The following DPY19L3 variants were observed in gnomAD, a reference collection of about 807,000 sequenced individuals.
DPY19L3 encodes dpy-19 like C-mannosyltransferase 3, also known as protein C-mannosyl-transferase DPY19L3.
A neutral mutation model predicts 92.3 loss-of-function variants in DPY19L3; 51 were observed. That is an observed-to-expected ratio of 0.55 (90% CI 0.44 to 0.70). DPY19L3 has a LOEUF of 0.70. Ranked by LOEUF, DPY19L3 falls within the 30% of genes least tolerant of loss-of-function variation. The pLI is 0.00. For synonymous variants in DPY19L3, 309 were observed against 315.2 expected (o/e 0.98, Z 0.21); for missense variants, 706 against 855.9 (o/e 0.82, Z 2.18).
intron 9 of DPY19L3, among the ~76,000 whole-genome samples, 174 bp from the exon 10 acceptor site, chr19:32,454,765 A>C (rs1283941388): frequency 6.6e-6 from 1 of 152,198 alleles, no homozygotes; most frequent in Non-Finnish European, 1.5e-5. Context: ...CTAGAAAATC[A>C]CAAATATTAA....
At chr19:32,445,093 C>A (rs200436816) in intron 8 of DPY19L3, among the ~76,000 whole-genome samples, 2,856 of 131,944 alleles carry the variant, frequency 0.022, 124 homozygotes, top group South Asian at 0.17. Context: ...AAAAAAAAAA[C>A]AAAAAACAAT....
At chr19:32,452,496 A>G (rs936695339) in intron 8 of DPY19L3, among the ~76,000 whole-genome samples, 3 of 152,236 alleles carry the variant, frequency 2.0e-5, no homozygotes, top group African/African-American at 7.2e-5. Flanking sequence ...GTGGTCATAA[A>G]CAGTAACTGA....
intron 8 of DPY19L3, among the ~76,000 whole-genome samples, chr19:32,445,725 G>GC (rs1225768695): frequency 2.6e-5 from 4 of 152,138 alleles, no homozygotes; most frequent in Non-Finnish European, 5.9e-5. Flanking sequence ...TTGAGGCTGG[G>GC]CGTCGTGGCT....
At chr19:32,409,431 G>A (rs919956595) in intron 2 of DPY19L3, among the ~76,000 whole-genome samples, 1 of 152,150 alleles carries the variant, frequency 6.6e-6, no homozygotes, top group Non-Finnish European at 1.5e-5. Flanking sequence ...AGAAGTGAAA[G>A]GTTTTCTTAC....
At chr19:32,419,280 C>T (rs951674355) in intron 3 of DPY19L3, among the ~76,000 whole-genome samples, 1 of 151,672 alleles carries the variant, frequency 6.6e-6, no homozygotes, top group Non-Finnish European at 1.5e-5. Context: ...CCTGCCTCAG[C>T]CTCCTGAGTA....
Position 32,437,806 on chromosome 19 carries a change from A to G in DPY19L3, c.596+467A>G, listed in dbSNP as rs1245847960. Among the ~76,000 whole-genome samples, 4 of 151,986 alleles carry G rather than the reference A, an allele frequency of 2.6e-5. No individual in the cohort carries two copies. In the East Asian group the frequency reaches 5.8e-4, roughly 22 times the overall value. On this transcript the variant is annotated intron_variant, in intron 6 of 18. Transcript: ENST00000392250. ...TTTTTCTTGCTGTTTTTTAAAGCCA[A>G]TGAAGACTTTTAAAATTTTTATTTA... is the stretch of plus-strand genomic sequence containing the variant.
chr19:32,431,785 C>T (rs1294037196), intron 3 of DPY19L3, among the ~76,000 whole-genome samples: 1 of 152,316 alleles, frequency 6.6e-6, no homozygotes, highest in African/African-American at 2.4e-5. Context: ...AGTGGACAGT[C>T]TATGGTTATT....
At chr19:32,476,395 A>G (rs1970509708) in intron 16 of DPY19L3, among the ~76,000 whole-genome samples, 1 of 152,056 alleles carries the variant, frequency 6.6e-6, no homozygotes, top group South Asian at 2.1e-4. Flanking sequence ...TGCAAGAAGG[A>G]TAAACGCAGC....
intron 3 of DPY19L3, among the ~76,000 whole-genome samples, chr19:32,419,622 CAG>C (rs1968497220): frequency 6.6e-6 from 1 of 151,856 alleles, no homozygotes; most frequent in Non-Finnish European, 1.5e-5. Context: ...TTTGTAGAGA[CAG>C]AGTCTCACTT....
At chr19:32,464,965 A>G (rs1280214786) in intron 15 of DPY19L3, among the ~76,000 whole-genome samples, 181 bp downstream of exon 15, 6 of 152,240 alleles carry the variant, frequency 3.9e-5, no homozygotes, top group Non-Finnish European at 2.9e-5. Context: ...AATAGTTTTA[A>G]CAAGTAAAAA....
At chr19:32,463,599 A>G in intron 13 of DPY19L3, 111 bp downstream of exon 13, 1 of 1,298,856 alleles carries the variant, frequency 7.7e-7, no homozygotes, top group Non-Finnish European at 1.1e-6. Flanking sequence ...TGGTTCCCAT[A>G]AAATCATCCT....
At chr19:32,427,382 A>G (rs1437736535) in intron 3 of DPY19L3, among the ~76,000 whole-genome samples, 5 of 152,222 alleles carry the variant, frequency 3.3e-5, no homozygotes, top group African/African-American at 1.2e-4. Flanking sequence ...TAAATATGCA[A>G]TGATAAGGAA....
rs1292516949 is a variant in DPY19L3, at chr19:32,463,560, A to G, written c.1445+72A>G. The G allele has an allele frequency of 3.3e-6, 5 of 1,506,576 alleles. 1 individual carries two copies. Among genetic ancestry groups the G allele is most frequent in the African/African-American group, 2.8e-5 (2 of 71,516 alleles). 93.3% of individuals were successfully genotyped at this position (1,506,576 alleles called of 1,614,324 possible). On this transcript the variant is annotated intron_variant, in intron 13 of 18. Coordinates refer to ENST00000392250, the MANE Select transcript of DPY19L3 (RefSeq NM_001172774.2). ...GATGTTACTTAGCAATATAATTTGG[A>G]AAGTGACAATCATCTTCATTAATGA...
intron 15 of DPY19L3, chr19:32,467,643 A>C: frequency 5.1e-6 from 5 of 987,602 alleles, no homozygotes; most frequent in Non-Finnish European, 6.0e-6. Context: ...CTTTGATTCT[A>C]CTAGTGGTTC....
rs1189966753 is a variant in DPY19L3 at position 32,421,641 on chromosome 19, A to G, written c.237+10269A>G. ...AGACTTCATCTCAAAAAAAAAAAAA[A>G]AAAAAGAGAGAGGAGTCTGTAAGCT... On this transcript the variant is annotated intron_variant, in intron 3 of 18. Transcript: ENST00000392250. Among the ~76,000 whole-genome samples, 3 of 130,706 alleles carry G rather than the reference A, an allele frequency of 2.3e-5. No homozygotes were observed. In the East Asian group the frequency reaches 7.1e-4, roughly 31 times the overall value. 85.7% of individuals were successfully genotyped at this position (130,706 alleles called of 152,430 possible).
intron 13 of DPY19L3, 46 bp from the exon 14 acceptor site, chr19:32,463,823 A>T: frequency 6.7e-7 from 1 of 1,497,646 alleles, no homozygotes; most frequent in Non-Finnish European, 9.3e-7. Context: ...ATCCAGGTTT[A>T]TATACAACTA....
chr19:32,407,797 C>T (rs1209574790), intron 1 of DPY19L3, among the ~76,000 whole-genome samples: 1 of 152,112 alleles, frequency 6.6e-6, no homozygotes, highest in African/African-American at 2.4e-5. Flanking sequence ...ATTTAGATGG[C>T]AAGATCGAGG....
chr19:32,461,953 T>G (rs1970052955), intron 12 of DPY19L3, among the ~76,000 whole-genome samples: 1 of 152,304 alleles, frequency 6.6e-6, no homozygotes, highest in Non-Finnish European at 1.5e-5. Context: ...TGGAAATATG[T>G]TTCAAGTCCC....
Position 32,464,726 on chromosome 19 carries a change from A to G in DPY19L3, c.1558-2A>G. The G allele has an allele frequency of 6.9e-7, 1 of 1,444,220 alleles. No homozygotes were observed. Among genetic ancestry groups the G allele is most frequent in the Non-Finnish European group, 9.5e-7 (1 of 1,057,750 alleles). 89.5% of individuals were successfully genotyped at this position (1,444,220 alleles called of 1,614,324 possible). A position where few individuals can be genotyped will look rare whatever the true frequency, so the allele number is the denominator to read the frequency against. On this transcript the variant is annotated splice_acceptor_variant, in intron 14 of 18. Coordinates refer to ENST00000392250, the MANE Select transcript of DPY19L3 (RefSeq NM_001172774.2). LOFTEE classifies it high-confidence loss of function. ...AATCTAAATAATGTCTTTCTTATAT[A>G]GATATGTATAATGCGATATTCAGTA...
Sources: gnomAD v4.1 joint callset for allele counts (sites outside exome capture counted in the v4.1 genomes callset) on GRCh38, gnomAD v4.1.1 for gene constraint, MANE v1.5 for transcripts, NCBI Gene and HGNC (gene_info 2026-07-23, HGNC 2026-07-21) for gene names.